Variants in LRFN5 observed in about 807,000 individuals in gnomAD.
LRFN5 encodes leucine-rich repeat and fibronectin type-III domain-containing protein 5.
LRFN5 carries 24 observed loss-of-function variants against 45.6 expected under a neutral mutation model. The ratio of observed to expected loss-of-function variants is 0.53; its 90% CI spans 0.38 to 0.74. The LOEUF is 0.74. Ranked by LOEUF, LRFN5 falls within the 30% of genes least tolerant of loss-of-function variation. The pLI, the probability that LRFN5 is intolerant of heterozygous loss-of-function variation, is 0.00. For missense variants in LRFN5, 776 were observed against 861.5 expected, an observed-to-expected ratio of 0.90 and a Z score of 1.24; for synonymous variants, 340 against 313.8, an observed-to-expected ratio of 1.08 and a Z score of -0.88.
intron 1 of LRFN5, among the ~76,000 whole-genome samples, chr14:41,625,193 G>A (rs1888285276): frequency 6.6e-6 from 1 of 151,774 alleles, no homozygotes; most frequent in Non-Finnish European, 1.5e-5. Context: ...ACGTTGATAT[G>A]GTTTGGCTTT....
intron 2 of LRFN5, among the ~76,000 whole-genome samples, chr14:41,809,129 C>T (rs1035070355): frequency 3.3e-5 from 5 of 151,904 alleles, no homozygotes; most frequent in African/African-American, 7.3e-5. Context: ...TTTAGTCTAA[C>T]GAAGCACAAT....
At chr14:41,870,073 A>G (rs1889967344) in intron 2 of LRFN5, among the ~76,000 whole-genome samples, 1 of 152,154 alleles carries the variant, frequency 6.6e-6, no homozygotes, top group Non-Finnish European at 1.5e-5. Context: ...ATCTAAACAC[A>G]TCTTAGCTGG....
chr14:41,829,848 A>T (rs1888420380), intron 2 of LRFN5, among the ~76,000 whole-genome samples: 1 of 150,706 alleles, frequency 6.6e-6, no homozygotes, highest in Non-Finnish European at 1.5e-5. Context: ...TTCTTTTCTC[A>T]AATTATTTTC....
At chr14:41,783,250 G>C (rs1056622054) in intron 2 of LRFN5, among the ~76,000 whole-genome samples, 2 of 152,058 alleles carry the variant, frequency 1.3e-5, no homozygotes, top group African/African-American at 2.4e-5. Flanking sequence ...TAGCCTCCAA[G>C]AGTTTCTCAC....
At chr14:41,732,853 T>A (rs1884238839) in intron 1 of LRFN5, among the ~76,000 whole-genome samples, 1 of 151,586 alleles carries the variant, frequency 6.6e-6, no homozygotes, top group Non-Finnish European at 1.5e-5. Context: ...CACAATTATA[T>A]GTGAACAAAG....
chr14:41,756,489 TTG>T (rs989026159), intron 1 of LRFN5, among the ~76,000 whole-genome samples: 3 of 152,180 alleles, frequency 2.0e-5, no homozygotes, highest in Non-Finnish European at 4.4e-5. Context: ...TTCTCTAAAC[TTG>T]TCTTCTCGCT....
At chr14:41,774,810 C>T (rs1886218196) in intron 2 of LRFN5, among the ~76,000 whole-genome samples, 1 of 152,108 alleles carries the variant, frequency 6.6e-6, no homozygotes, top group African/African-American at 2.4e-5. Context: ...ATAAAGCACA[C>T]CTATTGGGAA....
At chr14:41,854,037 CA>C (rs1348685544) in intron 2 of LRFN5, among the ~76,000 whole-genome samples, 10 of 152,082 alleles carry the variant, frequency 6.6e-5, no homozygotes. Context: ...AGGTAAGGTA[CA>C]AAAGAGTAAA....
chr14:41,713,266 G>T (rs1429122924), intron 1 of LRFN5, among the ~76,000 whole-genome samples: 18 of 151,962 alleles, frequency 1.2e-4, no homozygotes, highest in Non-Finnish European at 5.9e-5. Flanking sequence ...GTAAATAATG[G>T]GAGAGTCTTC....
At chr14:41,723,333 G>A (rs942413312) in intron 1 of LRFN5, among the ~76,000 whole-genome samples, 1 of 152,050 alleles carries the variant, frequency 6.6e-6, no homozygotes, top group Non-Finnish European at 1.5e-5. Context: ...GTAAAGTGGA[G>A]AGGGCCTCCC....
chr14:41,851,679 G>A (rs1451052784), intron 2 of LRFN5, among the ~76,000 whole-genome samples: 1 of 151,796 alleles, frequency 6.6e-6, no homozygotes, highest in Non-Finnish European at 1.5e-5. Flanking sequence ...GTAATTTTAA[G>A]TTTAATTTTC....
intron 1 of LRFN5, among the ~76,000 whole-genome samples, chr14:41,761,534 A>G (rs917375638): frequency 6.6e-6 from 1 of 152,088 alleles, no homozygotes; most frequent in African/African-American, 2.4e-5. Flanking sequence ...AGCGACAATA[A>G]TGTTGTATTT....
chr14:41,850,822 T>C (rs17112323), intron 2 of LRFN5, among the ~76,000 whole-genome samples: 33,153 of 151,488 alleles, frequency 0.22, 4,917 homozygotes, highest in East Asian at 0.49. Context: ...AGAGACTATT[T>C]CCTGAAAGTT....
chr14:41,775,703 T>C (rs916317523), intron 2 of LRFN5, among the ~76,000 whole-genome samples: 1 of 152,196 alleles, frequency 6.6e-6, no homozygotes, highest in African/African-American at 2.4e-5. Flanking sequence ...AATGCATTCA[T>C]TATTTATAAA....
chr14:41,890,030 A>G (rs1376261672), intron 3 of LRFN5, among the ~76,000 whole-genome samples: 1 of 151,912 alleles, frequency 6.6e-6, no homozygotes, highest in Non-Finnish European at 1.5e-5. Context: ...CTCCCAGCTA[A>G]TTTTTATATT....
At chr14:41,646,088 G>A (rs1182790354) in intron 1 of LRFN5, among the ~76,000 whole-genome samples, 6 of 152,056 alleles carry the variant, frequency 3.9e-5, no homozygotes, top group East Asian at 1.9e-4. Context: ...TAGCATATCC[G>A]TCATCTCAAA....
intron 2 of LRFN5, among the ~76,000 whole-genome samples, chr14:41,802,629 C>T (rs935550631): frequency 2.0e-5 from 3 of 152,090 alleles, no homozygotes; most frequent in African/African-American, 7.2e-5. Context: ...ATTTTCTTAG[C>T]CCAGAGTTTT....
At chr14:41,706,564 CT>C in intron 1 of LRFN5, among the ~76,000 whole-genome samples, 1 of 152,090 alleles carries the variant, frequency 6.6e-6, no homozygotes, top group Middle Eastern at 3.4e-3. Flanking sequence ...ATCCACATTC[CT>C]TTATTCATAT....
Position 41,796,588 on chromosome 14 carries a change from A to G in LRFN5, c.-21+29559A>G, listed in dbSNP as rs137931739. Reference sequence around the variant, plus strand: ...AGTTTTATGTTATAAGTACTTTAGTATATCACATAATTTTTGTTTGCATCT... The same window carrying G: ...AGTTTTATGTTATAAGTACTTTAGTGTATCACATAATTTTTGTTTGCATCT... On this transcript the variant is annotated intron_variant, in intron 2 of 5. Transcript: ENST00000298119. Among the ~76,000 whole-genome samples the G allele has an allele frequency of 3.7e-3, 558 of 152,028 alleles. 5 individuals are homozygous for G. Among genetic ancestry groups the G allele is most frequent in the Non-Finnish European group, 5.4e-3 (368 of 67,892 alleles).
Sources: allele counts gnomAD v4.1 joint callset (sites outside exome capture counted in the v4.1 genomes callset), GRCh38; gene constraint gnomAD v4.1.1; transcripts MANE v1.5; gene names NCBI Gene and HGNC (gene_info 2026-07-23, HGNC 2026-07-21).